MYL12B: variants seen among roughly 807,000 people sequenced by gnomAD.
MYL12B encodes the protein myosin regulatory light chain 12B.
In MYL12B, 3 loss-of-function variants were observed where a neutral mutation model predicts 12.9. The observed-to-expected ratio is 0.23, with a 90% confidence interval of 0.11 to 0.60. The LOEUF (loss-of-function observed/expected upper bound fraction) is 0.60. MYL12B is among the 20% of genes least tolerant of loss of function. MYL12B has a pLI of 0.89. For synonymous variants in MYL12B, 57 were observed against 71.9 expected (o/e 0.79, Z 1.05); for missense variants, 120 against 215.4 (o/e 0.56, Z 2.77).
At position 3,272,785 on chromosome 18, in the gene MYL12B, G is replaced by T; in HGVS notation, c.-15-99G>T. ...CCAATTGAAGTAATAATTCCTTATT[G>T]ATATTTTTACCTACAGACTTTAGGT... On this transcript the variant is annotated intron_variant, in intron 1 of 3. Coordinates refer to ENST00000237500, the MANE Select transcript of MYL12B (RefSeq NM_033546.4). 4 of 1,088,012 alleles carry T rather than the reference G, an allele frequency of 3.7e-6. No individual in the cohort carries two copies. The South Asian group carries it at 7.4e-5, about 20-fold the overall frequency. The allele number at this position is 1,088,012 out of a possible 1,614,324, so 67.4% of individuals were successfully genotyped here.
intron 1 of MYL12B, among the ~76,000 whole-genome samples, chr18:3,263,657 C>T (rs1241799177): frequency 6.6e-6 from 1 of 152,230 alleles, no homozygotes; most frequent in Non-Finnish European, 1.5e-5. Context: ...TTCCCTTTCT[C>T]CCAAGATTCA....
intron 1 of MYL12B, among the ~76,000 whole-genome samples, chr18:3,266,407 T>TTCACAATATCTTATTG (rs11271974): frequency 0.85 from 127,438 of 150,662 alleles, 53,977 homozygotes; most frequent in Middle Eastern, 0.87. Flanking sequence ...ACACCCTCAT[T>TTCACAATATCTTATTG]TCACAATATC....
chr18:3,262,268 C>G (rs1267409050), intron 1 of MYL12B, 31 bp downstream of exon 1: 1 of 149,676 alleles, frequency 6.7e-6, no homozygotes. Flanking sequence ...CTCGCGAGAC[C>G]CCTCGGGCCG....
intron 1 of MYL12B, among the ~76,000 whole-genome samples, chr18:3,269,774 C>T (rs1041814887): frequency 2.6e-5 from 4 of 152,096 alleles, no homozygotes; most frequent in African/African-American, 4.8e-5. Context: ...AATATTTAAA[C>T]GGAGATAAAC....
intron 2 of MYL12B, 93 bp downstream of exon 2, chr18:3,273,175 C>T: frequency 7.3e-7 from 1 of 1,375,384 alleles, no homozygotes; most frequent in Non-Finnish European, 9.7e-7. Flanking sequence ...ATATTTCTCT[C>T]CTTGTCTCAA....
intron 1 of MYL12B, 128 bp downstream of exon 1, chr18:3,262,365 A>G (rs2081598946): frequency 6.6e-6 from 1 of 152,176 alleles, no homozygotes; most frequent in African/African-American, 2.4e-5. Flanking sequence ...AGGACCTGTC[A>G]GACTGGCTGA....
At chr18:3,269,578 C>G (rs2081661133) in intron 1 of MYL12B, among the ~76,000 whole-genome samples, 1 of 152,098 alleles carries the variant, frequency 6.6e-6, no homozygotes, top group Non-Finnish European at 1.5e-5. Flanking sequence ...TGTGGCATAT[C>G]CAGATGGGTG....
At chr18:3,267,694 CTATTT>C (rs1344718682) in intron 1 of MYL12B, among the ~76,000 whole-genome samples, 1 of 151,994 alleles carries the variant, frequency 6.6e-6, no homozygotes, top group Non-Finnish European at 1.5e-5. Flanking sequence ...TATAATTGTT[CTATTT>C]TATTATTGTT....
intron 1 of MYL12B, among the ~76,000 whole-genome samples, chr18:3,270,138 G>T (rs1189051611): frequency 6.6e-6 from 1 of 152,168 alleles, no homozygotes; most frequent in Non-Finnish European, 1.5e-5. Flanking sequence ...GTGAGAAGGT[G>T]GAGGAAGCCA....
Position 3,262,195 on chromosome 18 carries a change from T to G in MYL12B, c.-58T>G. On this transcript the variant is annotated 5_prime_UTR_variant, in exon 1 of 4. Transcript: ENST00000237500. ...GCCTAACGCTCTTCGCTGTCGTTTG[T>G]GGTCTCGCGCAGGGCGGCCCCGGTT... 6.6e-6 allele frequency: 1 copy of G among 152,058 alleles called. No homozygotes were observed. The highest frequency in any genetic ancestry group is 1.9e-4 in the East Asian group (1 of 5,150). 9.4% of individuals were successfully genotyped at this position (152,058 alleles called of 1,614,324 possible).
intron 2 of MYL12B, 24 bp from the exon 3 acceptor site, chr18:3,277,229 A>C: frequency 6.5e-7 from 1 of 1,527,216 alleles, no homozygotes; most frequent in Non-Finnish European, 8.8e-7. Flanking sequence ...TTGTCTTTAA[A>C]TGTTAAAATG....
At chr18:3,266,973 A>G (rs1291633169) in intron 1 of MYL12B, among the ~76,000 whole-genome samples, 1 of 152,252 alleles carries the variant, frequency 6.6e-6, no homozygotes, top group East Asian at 1.9e-4. Flanking sequence ...CCATGTCTCC[A>G]GCATCTCCAT....
intron 2 of MYL12B, among the ~76,000 whole-genome samples, chr18:3,274,678 G>A (rs575648933): frequency 6.1e-4 from 93 of 152,320 alleles, no homozygotes; most frequent in African/African-American, 2.0e-3. Flanking sequence ...ATTGGCCAAG[G>A]CTTAGCAGTT....
intron 1 of MYL12B, among the ~76,000 whole-genome samples, chr18:3,267,782 A>G (rs755669686): frequency 2.6e-5 from 4 of 152,212 alleles, no homozygotes; most frequent in Non-Finnish European, 5.9e-5. Context: ...AACAGTGTAT[A>G]TAGTCATTCA....
chr18:3,273,208 G>C, intron 2 of MYL12B, 126 bp downstream of exon 2: 3 of 1,056,008 alleles, frequency 2.8e-6, no homozygotes, highest in Non-Finnish European at 3.9e-6. Context: ...GAGATTTCTG[G>C]GTGTGGGAGG....
At chr18:3,274,216 G>T (rs1257566782) in intron 2 of MYL12B, among the ~76,000 whole-genome samples, 1 of 152,294 alleles carries the variant, frequency 6.6e-6, no homozygotes, top group East Asian at 1.9e-4. Context: ...ACTGAAGAAG[G>T]CCTCTGAGGA....
intron 1 of MYL12B, among the ~76,000 whole-genome samples, chr18:3,270,039 CAAG>C (rs934019428): frequency 2.1e-4 from 32 of 152,064 alleles, no homozygotes; most frequent in African/African-American, 2.4e-5. Flanking sequence ...TAGACTGATC[CAAG>C]AAGATTTAGA....
chr18:3,277,491 T>A (rs2081743088), intron 3 of MYL12B, 77 bp downstream of exon 3: 1 of 1,542,746 alleles, frequency 6.5e-7, no homozygotes, highest in African/African-American at 1.4e-5. Context: ...GGGTTTTCTT[T>A]TTTTACCTTT....
Position 3,272,868 on chromosome 18 carries a change from T to C in MYL12B, c.-15-16T>C. 1 of 1,518,872 alleles carries C rather than the reference T, an allele frequency of 6.6e-7. No homozygotes were observed. Among genetic ancestry groups the C allele is most frequent in the Non-Finnish European group, 8.9e-7 (1 of 1,125,168 alleles). The allele number at this position is 1,518,872 out of a possible 1,614,324, so 94.1% of individuals were successfully genotyped here. A position where few individuals can be genotyped will look rare whatever the true frequency, so the allele number is the denominator to read the frequency against. On this transcript the variant is annotated splice_polypyrimidine_tract_variant and intron_variant, in intron 1 of 3. Transcript: ENST00000237500. ...ATTGTTTTGTTTTACGTTTTTGTGT[T>C]TTTTTTTTAATCCAGAATTAAACAA...
Sources: allele counts gnomAD v4.1 joint callset (sites outside exome capture counted in the v4.1 genomes callset), GRCh38; gene constraint gnomAD v4.1.1; transcripts MANE v1.5; gene names NCBI Gene and HGNC (gene_info 2026-07-23, HGNC 2026-07-21).